Variants in RABGAP1 observed in about 807,000 individuals in gnomAD.
The protein encoded by RABGAP1 is rab GTPase-activating protein 1.
In RABGAP1, 23 loss-of-function variants were observed where a neutral mutation model predicts 137.6. The observed-to-expected ratio is 0.17, with a 90% CI of 0.12 to 0.24. The LOEUF is 0.24. Ranked by LOEUF, RABGAP1 falls within the 10% of genes least tolerant of loss-of-function variation. RABGAP1 has a pLI of 1.00. For synonymous variants in RABGAP1, 451 were observed against 450.7 expected, an observed-to-expected ratio of 1.00 and a Z score of -0.01; for missense variants, 906 against 1,275.8, an observed-to-expected ratio of 0.71 and a Z score of 4.42.
intron 2 of RABGAP1, among the ~76,000 whole-genome samples, chr9:122,964,015 A>T (rs138881798): frequency 2.6e-5 from 4 of 152,342 alleles, no homozygotes; most frequent in African/African-American, 7.2e-5. Context: ...CTAGAGCGAC[A>T]CTAACAAAAC....
At chr9:123,046,815 T>C (rs545566378) in intron 13 of RABGAP1, among the ~76,000 whole-genome samples, 2 of 152,276 alleles carry the variant, frequency 1.3e-5, no homozygotes, top group African/African-American at 4.8e-5. Context: ...TATTTAGGAA[T>C]TGGAGGTAGA....
At chr9:123,094,754 C>T (rs1302089268) in intron 21 of RABGAP1, among the ~76,000 whole-genome samples, 2 of 152,134 alleles carry the variant, frequency 1.3e-5, no homozygotes, top group Non-Finnish European at 2.9e-5. Flanking sequence ...TGAAGTCACG[C>T]AGACCTGAAA....
intron 2 of RABGAP1, among the ~76,000 whole-genome samples, chr9:122,966,524 GAAAAAATA>G (rs1246924893): frequency 6.6e-6 from 1 of 151,240 alleles, no homozygotes; most frequent in African/African-American, 2.4e-5. Flanking sequence ...ACTCCATCTC[GAAAAAATA>G]AAAAAATAAA....
intron 2 of RABGAP1, among the ~76,000 whole-genome samples, chr9:122,969,560 A>G (rs1477553434): frequency 6.6e-6 from 1 of 152,180 alleles, no homozygotes; most frequent in Non-Finnish European, 1.5e-5. Context: ...TAATAGTGTT[A>G]CTGGAGATAT....
intron 2 of RABGAP1, among the ~76,000 whole-genome samples, chr9:122,966,409 G>T (rs1483082405): frequency 6.6e-6 from 1 of 152,070 alleles, no homozygotes; most frequent in Non-Finnish European, 1.5e-5. Flanking sequence ...TGTAATCCTA[G>T]GTACTTGGGA....
chr9:123,018,734 A>G (rs2131916853), intron 12 of RABGAP1, among the ~76,000 whole-genome samples: 1 of 152,340 alleles, frequency 6.6e-6, no homozygotes, highest in Middle Eastern at 3.4e-3. Flanking sequence ...AGAATAAATC[A>G]CTTTTAAATG....
intron 10 of RABGAP1, 47 bp from the exon 11 acceptor site, chr9:123,010,307 C>G: frequency 6.8e-7 from 1 of 1,480,280 alleles, no homozygotes; most frequent in Non-Finnish European, 9.1e-7. Flanking sequence ...TAATTAAAAA[C>G]ATAAAGAACT....
chr9:122,936,466 A>G (rs1833388780), upstream of RABGAP1, among the ~76,000 whole-genome samples: 1 of 152,166 alleles, frequency 6.6e-6, no homozygotes, highest in African/African-American at 2.4e-5. Context: ...CTTCCAAGGG[A>G]AAGCTGGGCT....
intron 6 of RABGAP1, among the ~76,000 whole-genome samples, chr9:122,995,564 T>C (rs926311703): frequency 9.7e-6 from 1 of 102,748 alleles, no homozygotes; most frequent in Admixed American, 1.4e-4. Flanking sequence ...AAATATCAAA[T>C]GATTTTTTTT....
chr9:123,075,481 T>C (rs2034482368), intron 17 of RABGAP1, among the ~76,000 whole-genome samples: 3 of 152,234 alleles, frequency 2.0e-5, no homozygotes, highest in African/African-American at 4.8e-5. Context: ...TGAAATATTC[T>C]AAGAAACAGA....
rs775931134 is a variant in RABGAP1 at position 122,984,612 on chromosome 9, A to T, written c.278A>T (p.Asp93Val). The T allele has an allele frequency of 1.2e-6, 2 of 1,614,168 alleles. No individual in the cohort carries two copies. The highest frequency in any genetic ancestry group is 1.1e-5 in the South Asian group (1 of 91,082). The change falls in exon 3 of 26, where the codon GAT (aspartate) becomes GTT (valine). Residue 93 changes from aspartate to valine, a missense_variant. Physicochemically the swap from Asp to Val is radical, Grantham distance 152. Coordinates refer to ENST00000373647, the MANE Select transcript of RABGAP1 (RefSeq NM_012197.4). ...VKRSQLDGEG[D>V]GPLSNQLSAS... ...AGGTCACAACTGGATGGTGAAGGAG[A>T]TGGGCCTCTTTCTAATCAGCTCTCC...
chr9:122,993,855 G>A (rs1045409360), intron 6 of RABGAP1, among the ~76,000 whole-genome samples: 1 of 151,750 alleles, frequency 6.6e-6, no homozygotes, highest in African/African-American at 2.4e-5. Flanking sequence ...ATAGAGACAG[G>A]GTTTTACCAT....
chr9:122,977,355 A>G (rs1835815847), intron 2 of RABGAP1, among the ~76,000 whole-genome samples: 1 of 152,204 alleles, frequency 6.6e-6, no homozygotes, highest in African/African-American at 2.4e-5. Context: ...ATCAAGGATG[A>G]TTGTAATTCT....
intron 13 of RABGAP1, among the ~76,000 whole-genome samples, chr9:123,064,028 T>TCTCTCACTCGCTCTCA (rs1440915656): frequency 1.3e-5 from 2 of 152,154 alleles, no homozygotes; most frequent in African/African-American, 4.8e-5. Context: ...GTGTGCGTGC[T>TCTCTCACTCGCTCTCA]CTCTCACTCG....
the RABGAP1 span, among the ~76,000 whole-genome samples, chr9:122,934,075 TC>T: frequency 6.0e-5 from 9 of 150,254 alleles, no homozygotes; most frequent in African/African-American, 2.2e-4. Context: ...CCTTTTCTTT[TC>T]TTTTCTTTTT....
At chr9:123,095,296 T>C (rs2035149954) in intron 21 of RABGAP1, among the ~76,000 whole-genome samples, 1 of 151,944 alleles carries the variant, frequency 6.6e-6, no homozygotes, top group Non-Finnish European at 1.5e-5. Context: ...TCTTGTTTCA[T>C]TGATTTCTGC....
chr9:122,951,379 T>C (rs1365321234), intron 1 of RABGAP1, among the ~76,000 whole-genome samples: 1 of 151,098 alleles, frequency 6.6e-6, no homozygotes, highest in African/African-American at 2.4e-5. Flanking sequence ...GTTAGTTAAC[T>C]AGAAACAATA....
intron 13 of RABGAP1, among the ~76,000 whole-genome samples, chr9:123,039,230 A>G (rs1437791676): frequency 6.6e-6 from 1 of 152,164 alleles, no homozygotes; most frequent in African/African-American, 2.4e-5. Context: ...AAGAGAAGCA[A>G]AATAAATGCT....
rs772372410 is a variant in RABGAP1 at position 122,996,592 on chromosome 9, A to G, written c.1088A>G (p.His363Arg). Residue 363 changes from histidine to arginine, a missense_variant, in exon 8 of 26, where the codon CAC becomes CGC. Physicochemically the swap from His to Arg is conservative, Grantham distance 29. This residue lies in a region of RABGAP1 where 212 missense variants were observed against 289.4 expected (regional missense o/e 0.73). Transcript: ENST00000373647. ...PGKDVRNSDM[H>R]LLDLESMGKS... ...AAAGATGTACGAAATAGTGACATGC[A>G]CTTATTAGATTTGGTAAGAATTTAT... 5 of 1,603,888 alleles carry G rather than the reference A, an allele frequency of 3.1e-6. No homozygotes were observed. Among genetic ancestry groups the G allele is most frequent in the Non-Finnish European group, 3.4e-6 (4 of 1,173,336 alleles).
Sources: gnomAD v4.1 joint callset for allele counts (sites outside exome capture counted in the v4.1 genomes callset) on GRCh38, gnomAD v4.1.1 for gene constraint, gnomAD v4.1.1 regional missense constraint, MANE v1.5 for transcripts, NCBI Gene and HGNC (gene_info 2026-07-23, HGNC 2026-07-21) for gene names.